Variants in CNTNAP2 observed in about 807,000 individuals in gnomAD.
CNTNAP2 encodes contactin-associated protein-like 2.
Under a neutral mutation model 155.2 loss-of-function variants are expected in CNTNAP2, and 98 were observed. The ratio of observed to expected loss-of-function variants is 0.63; its 90% confidence interval spans 0.54 to 0.75. The LOEUF is 0.75. Ranked by LOEUF, CNTNAP2 falls within the 30% of genes least tolerant of loss-of-function variation. The pLI is 0.00. For missense variants in CNTNAP2, 1,727 were observed against 1,688.1 expected (o/e 1.02, Z -0.40); for synonymous variants, 651 against 631.2 (o/e 1.03, Z -0.47).
At chr7:146,430,970 A>G (rs1167082758) in intron 1 of CNTNAP2, among the ~76,000 whole-genome samples, 3 of 152,052 alleles carry the variant, frequency 2.0e-5, no homozygotes, top group Non-Finnish European at 4.4e-5. Context: ...TTGAAATATT[A>G]GAAGTATTTC....
At chr7:147,488,218 G>A (rs1798543835) in intron 11 of CNTNAP2, among the ~76,000 whole-genome samples, 1 of 152,170 alleles carries the variant, frequency 6.6e-6, no homozygotes, top group African/African-American at 2.4e-5. Context: ...GACACAGAAT[G>A]AACAATTTTA....
At position 148,366,194 on chromosome 7, in the gene CNTNAP2, A is replaced by G. The variant is rs10232630; in HGVS notation, c.3476-17455A>G. Among the ~76,000 whole-genome samples, 4 of 32,760 alleles carry G rather than the reference A, an allele frequency of 1.2e-4. 2 individuals are homozygous for G. The highest frequency in any genetic ancestry group is 2.7e-4 in the African/African-American group (4 of 14,784). The allele number at this position is 32,760 out of a possible 152,430, so 21.5% of individuals were successfully genotyped here. A position where few individuals can be genotyped will look rare whatever the true frequency, so the allele number is the denominator to read the frequency against. On this transcript the variant is annotated intron_variant, in intron 21 of 23. Coordinates refer to ENST00000361727, the MANE Select transcript of CNTNAP2 (RefSeq NM_014141.6). ...TGCATGTATACATGTATGTGTATGCATGTATATAGGTGTACATGTGTATGC... is the reference window on the plus strand; with the variant it reads ...TGCATGTATACATGTATGTGTATGCGTGTATATAGGTGTACATGTGTATGC...
intron 1 of CNTNAP2, among the ~76,000 whole-genome samples, chr7:146,217,903 G>A (rs1799138994): frequency 6.6e-6 from 1 of 152,094 alleles, no homozygotes; most frequent in Admixed American, 6.5e-5. Context: ...ATGGATACTA[G>A]GCTTAATATA....
At chr7:148,023,816 A>G (rs1012260778) in intron 15 of CNTNAP2, among the ~76,000 whole-genome samples, 2 of 152,158 alleles carry the variant, frequency 1.3e-5, no homozygotes, top group Non-Finnish European at 2.9e-5. Context: ...GAGCATTCAT[A>G]ATTTACATTT....
At chr7:147,609,725 G>T (rs1801146295) in intron 12 of CNTNAP2, among the ~76,000 whole-genome samples, 1 of 152,032 alleles carries the variant, frequency 6.6e-6, no homozygotes, top group Non-Finnish European at 1.5e-5. Context: ...AATCTGAAGG[G>T]AGGCAGATGA....
rs370391743 is a variant in CNTNAP2 at position 147,027,505 on chromosome 7, G to T, written c.403-16402G>T. On this transcript the variant is annotated intron_variant, in intron 3 of 23. Coordinates refer to ENST00000361727, the MANE Select transcript of CNTNAP2 (RefSeq NM_014141.6). ...TTCAGTATCCCTTAAACAAAACATA[G>T]GGTGATAATTTTGCAAATTATTATT... Among the ~76,000 whole-genome samples, 3 of 152,206 alleles carry T rather than the reference G, an allele frequency of 2.0e-5. No homozygotes were observed. In the East Asian group the frequency reaches 5.8e-4, roughly 29 times the overall value.
chr7:148,067,018 T>C (rs1054029381), intron 15 of CNTNAP2, among the ~76,000 whole-genome samples: 1 of 152,210 alleles, frequency 6.6e-6, no homozygotes, highest in African/African-American at 2.4e-5. Flanking sequence ...TATTATTTTT[T>C]AAATTTCTTT....
intron 1 of CNTNAP2, among the ~76,000 whole-genome samples, chr7:146,399,110 T>G (rs2129107918): frequency 6.6e-6 from 1 of 152,310 alleles, no homozygotes; most frequent in South Asian, 2.1e-4. Flanking sequence ...CAACATTGTG[T>G]TTTAATATGT....
intron 22 of CNTNAP2, among the ~76,000 whole-genome samples, chr7:148,399,097 G>A (rs1721954173): frequency 1.3e-5 from 2 of 152,128 alleles, no homozygotes; most frequent in African/African-American, 4.8e-5. Flanking sequence ...CACAAAACTT[G>A]GTGAGCACCC....
chr7:147,422,530 T>A (rs1276701634), intron 10 of CNTNAP2, among the ~76,000 whole-genome samples: 1 of 152,140 alleles, frequency 6.6e-6, no homozygotes, highest in Non-Finnish European at 1.5e-5. Context: ...AATAAGCCTA[T>A]GCCTCATTCC....
intron 18 of CNTNAP2, among the ~76,000 whole-genome samples, chr7:148,173,737 A>G (rs1439005811): frequency 6.6e-6 from 1 of 152,252 alleles, no homozygotes; most frequent in Non-Finnish European, 1.5e-5. Context: ...GGGCCTGCAG[A>G]ACACATTAAT....
intron 16 of CNTNAP2, among the ~76,000 whole-genome samples, chr7:148,126,848 C>T (rs1281143338): frequency 1.3e-5 from 2 of 152,104 alleles, no homozygotes; most frequent in Non-Finnish European, 2.9e-5. Flanking sequence ...CAACTGTTCG[C>T]CTGGCCCCAA....
chr7:147,875,315 G>A (rs1799404514), intron 13 of CNTNAP2, among the ~76,000 whole-genome samples: 1 of 152,170 alleles, frequency 6.6e-6, no homozygotes, highest in Non-Finnish European at 1.5e-5. Context: ...GAAGGGAAAG[G>A]AGGAGCAAAG....
At chr7:146,982,555 C>T (rs1435238343) in intron 3 of CNTNAP2, among the ~76,000 whole-genome samples, 2 of 152,110 alleles carry the variant, frequency 1.3e-5, no homozygotes, top group African/African-American at 4.8e-5. Flanking sequence ...TTCACAGGAA[C>T]ACGTGTTGCT....
chr7:148,384,861 A>G (rs997410465), intron 22 of CNTNAP2, among the ~76,000 whole-genome samples: 1 of 152,212 alleles, frequency 6.6e-6, no homozygotes, highest in Non-Finnish European at 1.5e-5. Context: ...AACCCTTGGA[A>G]TTCTATTTAA....
intron 1 of CNTNAP2, among the ~76,000 whole-genome samples, chr7:146,174,723 T>C (rs1798445205): frequency 6.6e-6 from 1 of 151,896 alleles, no homozygotes. Context: ...GCAGCTGAAA[T>C]CCCAGCTACT....
At chr7:147,516,848 C>CT (rs1221666617) in intron 11 of CNTNAP2, among the ~76,000 whole-genome samples, 2,344 of 112,574 alleles carry the variant, frequency 0.021, 70 homozygotes, top group East Asian at 0.048. Flanking sequence ...TCTTTCTTTT[C>CT]TTTTTTTTTT....
At chr7:148,210,331 C>T (rs866789614) in intron 18 of CNTNAP2, among the ~76,000 whole-genome samples, 3 of 152,252 alleles carry the variant, frequency 2.0e-5, no homozygotes, top group Middle Eastern at 3.4e-3. Context: ...CATTTGCTGT[C>T]CCCAAAACAT....
chr7:147,647,319 T>A (rs1261790240), intron 13 of CNTNAP2, among the ~76,000 whole-genome samples: 1 of 151,642 alleles, frequency 6.6e-6, no homozygotes, highest in African/African-American at 2.4e-5. Flanking sequence ...TTTTTTTTTT[T>A]AACGAGGGTC....
Sources: gnomAD v4.1 joint callset for allele counts (sites outside exome capture counted in the v4.1 genomes callset) on GRCh38, gnomAD v4.1.1 for gene constraint, MANE v1.5 for transcripts, NCBI Gene and HGNC (gene_info 2026-07-23, HGNC 2026-07-21) for gene names.